SERTAD2: variants seen among roughly 807,000 people sequenced by gnomAD.
SERTAD2 encodes SERTA domain-containing protein 2.
SERTAD2 carries 2 observed loss-of-function variants against 15.4 expected under a neutral mutation model. That is an observed-to-expected ratio of 0.13 (90% confidence interval 0.05 to 0.41). The LOEUF (loss-of-function observed/expected upper bound fraction) is 0.41. SERTAD2 is among the 10% of genes least tolerant of loss of function. The probability of loss-of-function intolerance (pLI) is 0.99; values close to 1 mark genes in which losing one functional copy is unlikely to be tolerated. For missense variants in SERTAD2, 333 were observed against 409.7 expected (o/e 0.81, Z 1.62); for synonymous variants, 180 against 178.0 (o/e 1.01, Z -0.09).
Position 64,636,285 on chromosome 2 carries a change from A to G in SERTAD2, c.587T>C (p.Val196Ala), listed in dbSNP as rs1389735248. 1.2e-6 allele frequency: 2 copies of G among 1,613,998 alleles called. No homozygotes were observed. Among genetic ancestry groups the G allele is most frequent in the African/African-American group, 2.7e-5 (2 of 74,896 alleles). Residue 196 changes from valine to alanine, a missense_variant, in exon 2 of 2, where the codon GTG becomes GCG. This residue lies in a region of SERTAD2 where 332 missense variants were observed against 392.9 expected (regional missense o/e 0.84). Coordinates refer to ENST00000313349, the MANE Select transcript of SERTAD2 (RefSeq NM_014755.3). ...GCCAGCCTCGCTGGAGGTCCCTTTCACACTGTCAGTCGCAGCCGTGGCCGC... is the reference window on the plus strand; with the variant it reads ...GCCAGCCTCGCTGGAGGTCCCTTTCGCACTGTCAGTCGCAGCCGTGGCCGC... ...TEAATAATDS[V>A]KGTSSEAGTQ...
intron 1 of SERTAD2, among the ~76,000 whole-genome samples, chr2:64,637,921 A>C (rs1418653515): frequency 6.6e-6 from 1 of 152,224 alleles, no homozygotes; most frequent in Non-Finnish European, 1.5e-5. Flanking sequence ...TTCCAAGATC[A>C]TGTGACATCG....
Position 64,632,355 on chromosome 2 carries a change from T to G in SERTAD2, c.*3572A>C, listed in dbSNP as rs1674552118. On this transcript the variant is annotated 3_prime_UTR_variant, in exon 2 of 2. Coordinates refer to ENST00000313349, the MANE Select transcript of SERTAD2 (RefSeq NM_014755.3). ...AAATTTAAGCTTTAAAAACGATCTGTAAGTTGATACTTTGGCTCTTTGGAG... is the reference window on the plus strand; with the variant it reads ...AAATTTAAGCTTTAAAAACGATCTGGAAGTTGATACTTTGGCTCTTTGGAG... 1 of 152,532 alleles carries G rather than the reference T, an allele frequency of 6.6e-6. No individual in the cohort carries two copies. The highest frequency in any genetic ancestry group is 1.5e-5 in the Non-Finnish European group (1 of 68,008). The allele number at this position is 152,532 out of a possible 1,614,324, so 9.4% of individuals were successfully genotyped here.
Position 64,635,035 on chromosome 2 carries a change from T to C in SERTAD2, c.*892A>G, listed in dbSNP as rs2104335852. 1 of 152,810 alleles carries C rather than the reference T, an allele frequency of 6.5e-6. No homozygotes were observed. The highest frequency in any genetic ancestry group is 1.5e-5 in the Non-Finnish European group (1 of 68,054). The allele number at this position is 152,810 out of a possible 1,614,324, so 9.5% of individuals were successfully genotyped here. ...GTGGCTCTGGCTTTGGAAGTCACAG[T>C]ACTGGCGGGTGTTGGTGCCAGGGGG... On this transcript the variant is annotated 3_prime_UTR_variant, in exon 2 of 2. Coordinates refer to ENST00000313349, the MANE Select transcript of SERTAD2 (RefSeq NM_014755.3).
chr2:64,637,249 C>A (rs1475381959), intron 1 of SERTAD2, among the ~76,000 whole-genome samples: 1 of 152,136 alleles, frequency 6.6e-6, no homozygotes, highest in Non-Finnish European at 1.5e-5. Flanking sequence ...CCCTCCCCCA[C>A]GTAGATTTAT....
chr2:64,653,168 G>A (rs1049199548), intron 1 of SERTAD2, among the ~76,000 whole-genome samples: 1 of 152,180 alleles, frequency 6.6e-6, no homozygotes, highest in East Asian at 1.9e-4. Context: ...ACGCACTACA[G>A]TAAGTTGGAT....
In SERTAD2 at chr2:64,633,154, G is replaced by C. The variant is rs922536358; in HGVS notation, c.*2773C>G. 6.6e-6 allele frequency: 1 copy of C among 152,166 alleles called. No homozygotes were observed. Among genetic ancestry groups the C allele is most frequent in the Non-Finnish European group, 1.5e-5 (1 of 68,024 alleles). The allele number at this position is 152,166 out of a possible 1,614,324, so 9.4% of individuals were successfully genotyped here. On this transcript the variant is annotated 3_prime_UTR_variant, in exon 2 of 2. Coordinates refer to ENST00000313349, the MANE Select transcript of SERTAD2 (RefSeq NM_014755.3). ...TTGGGACATCACTTTGTAAGAATAGGATGCAAAAGCAATTAGAACCCTAGA... is the reference window on the plus strand; with the variant it reads ...TTGGGACATCACTTTGTAAGAATAGCATGCAAAAGCAATTAGAACCCTAGA...
intron 1 of SERTAD2, among the ~76,000 whole-genome samples, chr2:64,652,126 GA>G (rs373448686): frequency 1.3e-5 from 2 of 151,192 alleles, no homozygotes; most frequent in Non-Finnish European, 3.0e-5. Context: ...TAAATAAAAA[GA>G]AAAAAAACCC....
rs956765795 is a variant in SERTAD2 at position 64,632,218 on chromosome 2, T to C, written c.*3709A>G. ...TCAAATTAAGACAATTCGTATAGAG[T>C]AGCAATTGCTGCACGAAGTAGAGTC... On this transcript the variant is annotated 3_prime_UTR_variant, in exon 2 of 2. Coordinates refer to ENST00000313349, the MANE Select transcript of SERTAD2 (RefSeq NM_014755.3). 1 of 151,616 alleles carries C rather than the reference T, an allele frequency of 6.6e-6. No individual in the cohort carries two copies. Among genetic ancestry groups the C allele is most frequent in the Non-Finnish European group, 1.5e-5 (1 of 67,920 alleles). The allele number at this position is 151,616 out of a possible 1,614,324, so 9.4% of individuals were successfully genotyped here.
In SERTAD2 at chr2:64,633,961, T is replaced by C. The variant is rs1392933689; in HGVS notation, c.*1966A>G. 6.6e-6 allele frequency: 1 copy of C among 152,670 alleles called. No homozygotes were observed. The highest frequency in any genetic ancestry group is 1.5e-5 in the Non-Finnish European group (1 of 68,038). 9.5% of individuals were successfully genotyped at this position (152,670 alleles called of 1,614,324 possible). ...TCACAAACGTCTTTGCTTTGCCATGTGCATTACAAAAATAAAACTAACTAT... is the reference window on the plus strand; with the variant it reads ...TCACAAACGTCTTTGCTTTGCCATGCGCATTACAAAAATAAAACTAACTAT... On this transcript the variant is annotated 3_prime_UTR_variant, in exon 2 of 2. Transcript: ENST00000313349.
chr2:64,643,061 G>T (rs548362051), intron 1 of SERTAD2, among the ~76,000 whole-genome samples: 1 of 152,300 alleles, frequency 6.6e-6, no homozygotes, highest in East Asian at 1.9e-4. Context: ...GACCAAAAAG[G>T]AATCAAAGAT....
In SERTAD2 at chr2:64,636,114, G is replaced by A. The variant is rs762462704; in HGVS notation, c.758C>T (p.Thr253Met). 14 of 1,614,174 alleles carry A rather than the reference G, an allele frequency of 8.7e-6. No homozygotes were observed. Among genetic ancestry groups the A allele is most frequent in the East Asian group, 2.2e-5 (1 of 44,886 alleles). ...GCAGGGGTCAAAATCATACATGGAC[G>A]TATCAATGTCAGCAAACAGGATGTC... The part of the protein sequence containing the change: ...LDDILFADID[T>M]SMYDFDPCTS... The change falls in exon 2 of 2, where the codon ACG becomes ATG. Residue 253 changes from threonine (T) to methionine (M), a missense_variant. Physicochemically the swap from Thr to Met is moderately conservative, Grantham distance 81. Coordinates refer to ENST00000313349, the MANE Select transcript of SERTAD2 (RefSeq NM_014755.3).
chr2:64,641,207 T>G (rs1674769860), intron 1 of SERTAD2, among the ~76,000 whole-genome samples: 1 of 152,174 alleles, frequency 6.6e-6, no homozygotes, highest in Non-Finnish European at 1.5e-5. Context: ...CTTCAAAAGC[T>G]ACAATCTGGG....
intron 1 of SERTAD2, among the ~76,000 whole-genome samples, chr2:64,637,079 T>C (rs1440568986): frequency 6.6e-6 from 1 of 152,218 alleles, no homozygotes; most frequent in East Asian, 1.9e-4. Context: ...TTTGTATGCC[T>C]GTGGAGCAAT....
chr2:64,653,322 C>T (rs2104356098), intron 1 of SERTAD2, among the ~76,000 whole-genome samples: 1 of 152,220 alleles, frequency 6.6e-6, no homozygotes, highest in South Asian at 2.1e-4. Flanking sequence ...CTCCAGGCGC[C>T]CCCGCCCGCC....
rs1674631658 is a variant in SERTAD2 at position 64,635,256 on chromosome 2, T to C, written c.*671A>G. 6.5e-6 allele frequency: 1 copy of C among 152,694 alleles called. No homozygotes were observed. The highest frequency in any genetic ancestry group is 2.1e-4 in the South Asian group (1 of 4,828). 9.5% of individuals were successfully genotyped at this position (152,694 alleles called of 1,614,324 possible). On this transcript the variant is annotated 3_prime_UTR_variant, in exon 2 of 2. Coordinates refer to ENST00000313349, the MANE Select transcript of SERTAD2 (RefSeq NM_014755.3). ...TCTATAAAAGTACAAGTGCAACTTGTACATCTGAAGTTTGCAGGAACTATG... is the reference window on the plus strand; with the variant it reads ...TCTATAAAAGTACAAGTGCAACTTGCACATCTGAAGTTTGCAGGAACTATG...
At chr2:64,651,859 T>C (rs950491378) in intron 1 of SERTAD2, among the ~76,000 whole-genome samples, 2 of 152,094 alleles carry the variant, frequency 1.3e-5, no homozygotes, top group Admixed American at 6.5e-5. Context: ...CTCCCTTACC[T>C]GTCTGAATGA....
Position 64,631,641 on chromosome 2 carries a change from GTATAA to G in SERTAD2, c.*4281_*4285del, listed in dbSNP as rs1486987202. 1 of 152,626 alleles carries G rather than the reference GTATAA, an allele frequency of 6.6e-6. No homozygotes were observed. The highest frequency in any genetic ancestry group is 2.1e-4 in the South Asian group (1 of 4,836). The allele number at this position is 152,626 out of a possible 1,614,324, so 9.5% of individuals were successfully genotyped here. A position where few individuals can be genotyped will look rare whatever the true frequency, so the allele number is the denominator to read the frequency against. ...CTCTCTCATCTTTTAACTGTTTATT[GTATAA>G]TATAAAACTACAAAAGTAAGACTGC... On this transcript the variant is annotated 3_prime_UTR_variant, in exon 2 of 2. Coordinates refer to ENST00000313349, the MANE Select transcript of SERTAD2 (RefSeq NM_014755.3).
In SERTAD2 at chr2:64,634,033, C is replaced by T. The variant is rs936240387; in HGVS notation, c.*1894G>A. ...TATAAAGTTGTCTTTTTTAATTAGC[C>T]AGAAAGACCCAATTTTATCCATGGC... is the stretch of plus-strand genomic sequence containing the variant. On this transcript the variant is annotated 3_prime_UTR_variant, in exon 2 of 2. Coordinates refer to ENST00000313349, the MANE Select transcript of SERTAD2 (RefSeq NM_014755.3). 1 of 152,436 alleles carries T rather than the reference C, an allele frequency of 6.6e-6. No homozygotes were observed. Among genetic ancestry groups the T allele is most frequent in the African/African-American group, 2.4e-5 (1 of 41,368 alleles). The allele number at this position is 152,436 out of a possible 1,614,324, so 9.4% of individuals were successfully genotyped here.
intron 1 of SERTAD2, among the ~76,000 whole-genome samples, chr2:64,638,903 T>C (rs1443181972): frequency 6.6e-6 from 1 of 152,244 alleles, no homozygotes; most frequent in East Asian, 1.9e-4. Flanking sequence ...TGAAGGTGAA[T>C]CAGAGTGGAG....
Sources: allele counts gnomAD v4.1 joint callset (sites outside exome capture counted in the v4.1 genomes callset), GRCh38; gene constraint gnomAD v4.1.1; regional missense constraint gnomAD v4.1.1; transcripts MANE v1.5; gene names NCBI Gene and HGNC (gene_info 2026-07-23, HGNC 2026-07-21).